The following ATP8A2 variants were observed in gnomAD, a reference collection of about 807,000 sequenced individuals.
ATP8A2 encodes the protein ATPase phospholipid transporting 8A2.
Under a neutral mutation model 165.6 loss-of-function variants are expected in ATP8A2, and 100 were observed. The ratio of observed to expected loss-of-function variants is 0.60; its 90% CI spans 0.51 to 0.71. The LOEUF (loss-of-function observed/expected upper bound fraction) is 0.71. Among genes scored for constraint, ATP8A2 ranks in the 30% least tolerant of loss-of-function variants. The pLI is 0.00. For synonymous variants in ATP8A2, 543 were observed against 548.8 expected (o/e 0.99, Z 0.15); for missense variants, 1,227 against 1,479.5 (o/e 0.83, Z 2.80).
chr13:25,397,463 A>G (rs1422384015), intron 1 of ATP8A2, among the ~76,000 whole-genome samples: 4 of 152,032 alleles, frequency 2.6e-5, no homozygotes, highest in South Asian at 2.1e-4. Flanking sequence ...TAAGGCGTGG[A>G]GGGGTCCTCT....
intron 27 of ATP8A2, among the ~76,000 whole-genome samples, chr13:25,788,402 T>C (rs898846540): frequency 6.6e-6 from 1 of 152,236 alleles, no homozygotes; most frequent in African/African-American, 2.4e-5. Flanking sequence ...ATGAGTTTAC[T>C]TCATCCCCAC....
At chr13:25,895,869 C>T (rs1440791116) in intron 33 of ATP8A2, among the ~76,000 whole-genome samples, 4 of 152,156 alleles carry the variant, frequency 2.6e-5, no homozygotes, top group Admixed American at 6.5e-5. Context: ...TCTGTGAGAT[C>T]GGTGGTGATA....
At chr13:25,782,460 G>A (rs1315290772) in intron 27 of ATP8A2, among the ~76,000 whole-genome samples, 4 of 152,150 alleles carry the variant, frequency 2.6e-5, no homozygotes, top group Non-Finnish European at 4.4e-5. Flanking sequence ...CTGAGGTACT[G>A]GGACATGCTG....
At chr13:25,803,165 A>C (rs1223164672) in intron 27 of ATP8A2, among the ~76,000 whole-genome samples, 2 of 152,186 alleles carry the variant, frequency 1.3e-5, no homozygotes, top group African/African-American at 4.8e-5. Flanking sequence ...CCAGGAGAGC[A>C]GTTCTTGGAT....
chr13:25,465,666 T>TCTTC (rs1491248215), intron 1 of ATP8A2, among the ~76,000 whole-genome samples: 67 of 4,398 alleles, frequency 0.015, 1 homozygote, highest in Admixed American at 0.025. Context: ...TGCAGAGTTT[T>TCTTC]CTTTCTTTCT....
At chr13:25,730,332 T>C (rs773821486) in intron 25 of ATP8A2, among the ~76,000 whole-genome samples, 52 of 152,246 alleles carry the variant, frequency 3.4e-4, no homozygotes, top group Admixed American at 6.5e-4. Flanking sequence ...CAAAAGTCTC[T>C]TTAAGACAGG....
At chr13:25,723,765 A>G (rs77008600) in intron 25 of ATP8A2, among the ~76,000 whole-genome samples, 2,869 of 151,928 alleles carry the variant, frequency 0.019, 85 homozygotes, top group African/African-American at 0.064. Flanking sequence ...CACTCCCTCC[A>G]CGTAACCCCC....
At chr13:25,718,766 A>G (rs2043308773) in intron 25 of ATP8A2, among the ~76,000 whole-genome samples, 1 of 152,232 alleles carries the variant, frequency 6.6e-6, no homozygotes, top group Non-Finnish European at 1.5e-5. Flanking sequence ...TGATTTTACT[A>G]AGGTTAGTTA....
chr13:25,916,615 G>A (rs955830347), intron 33 of ATP8A2, among the ~76,000 whole-genome samples: 3 of 152,174 alleles, frequency 2.0e-5, no homozygotes, highest in East Asian at 1.9e-4. Flanking sequence ...GTGGTCCAGC[G>A]AGGTTGGAGG....
intron 30 of ATP8A2, among the ~76,000 whole-genome samples, chr13:25,839,897 C>CA (rs1271629620): frequency 2.0e-5 from 3 of 152,140 alleles, no homozygotes; most frequent in Non-Finnish European, 4.4e-5. Flanking sequence ...CTATTTGAGT[C>CA]AGAGATCTTC....
intron 34 of ATP8A2, among the ~76,000 whole-genome samples, chr13:25,966,638 G>A (rs967473440): frequency 6.6e-6 from 1 of 152,182 alleles, no homozygotes; most frequent in African/African-American, 2.4e-5. Flanking sequence ...GTATCAAATT[G>A]CTGAGTAACT....
chr13:25,762,839 A>T (rs1454037737), intron 25 of ATP8A2, among the ~76,000 whole-genome samples: 2 of 152,346 alleles, frequency 1.3e-5, no homozygotes, highest in African/African-American at 4.8e-5. Context: ...TGAATAGTTT[A>T]TGGAAAGAAA....
In ATP8A2 at chr13:25,591,834, G is replaced by A. The variant is rs969127404; in HGVS notation, c.2211+2135G>A. Among the ~76,000 whole-genome samples, 60 of 152,234 alleles carry A rather than the reference G, an allele frequency of 3.9e-4. 1 individual carries two copies. The highest frequency in any genetic ancestry group is 1.3e-3 in the African/African-American group (56 of 41,546). ...ACTTTTGACTATTGTGAATAGTGCT[G>A]CTATAAATGTGGATATACAAATATC... On this transcript the variant is annotated intron_variant, in intron 24 of 36. Transcript: ENST00000381655.
chr13:25,616,677 A>G (rs558919625), intron 24 of ATP8A2, among the ~76,000 whole-genome samples: 30 of 152,264 alleles, frequency 2.0e-4, no homozygotes, highest in Admixed American at 7.2e-4. Flanking sequence ...AGATTCTCCA[A>G]GTCCCTAATA....
At chr13:25,971,145 G>A (rs566186216) in intron 35 of ATP8A2, among the ~76,000 whole-genome samples, 75 of 151,882 alleles carry the variant, frequency 4.9e-4, no homozygotes, top group African/African-American at 1.7e-3. Context: ...ACACAGTTTG[G>A]GGGCTCTGCC....
chr13:25,548,260 C>T (rs1003253334), intron 10 of ATP8A2, among the ~76,000 whole-genome samples: 9 of 151,938 alleles, frequency 5.9e-5, no homozygotes, highest in Non-Finnish European at 7.4e-5. Context: ...CAAAAGAAAA[C>T]CCATCATTGA....
intron 25 of ATP8A2, among the ~76,000 whole-genome samples, chr13:25,747,627 G>A (rs552711000): frequency 2.0e-5 from 3 of 152,228 alleles, no homozygotes; most frequent in African/African-American, 7.2e-5. Context: ...GTTTAGCATC[G>A]CCTGGGGATA....
chr13:25,595,555 A>G (rs9511828), intron 24 of ATP8A2, among the ~76,000 whole-genome samples: 75,285 of 151,978 alleles, frequency 0.5, 20,342 homozygotes, highest in Admixed American at 0.61. Context: ...GAAATGGTAT[A>G]AGGCTGGAGC....
intron 2 of ATP8A2, among the ~76,000 whole-genome samples, chr13:25,506,647 C>T (rs960898148): frequency 6.6e-6 from 1 of 152,186 alleles, no homozygotes; most frequent in South Asian, 2.1e-4. Flanking sequence ...CTCTGTTTCT[C>T]CTCGTGTGGA....
Sources: gnomAD v4.1 joint callset for allele counts (sites outside exome capture counted in the v4.1 genomes callset) on GRCh38, gnomAD v4.1.1 for gene constraint, MANE v1.5 for transcripts, NCBI Gene and HGNC (gene_info 2026-07-23, HGNC 2026-07-21) for gene names.